HDGF: variants seen among roughly 807,000 people sequenced by gnomAD.
HDGF encodes hepatoma-derived growth factor.
In HDGF, 5 loss-of-function variants were observed where a neutral mutation model predicts 30.0. The ratio of observed to expected loss-of-function variants is 0.17; its 90% CI spans 0.09 to 0.35. The LOEUF is 0.35. Ranked by LOEUF, HDGF falls within the 10% of genes least tolerant of loss-of-function variation. HDGF has a pLI of 1.00. For missense variants in HDGF, 214 were observed against 302.8 expected (o/e 0.71, Z 2.18); for synonymous variants, 133 against 112.7 (o/e 1.18, Z -1.14).
chr1:156,761,226 C>T (rs1409674661), intron 1 of HDGF, among the ~76,000 whole-genome samples: 1 of 151,428 alleles, frequency 6.6e-6, no homozygotes, highest in Non-Finnish European at 1.5e-5. Flanking sequence ...GGCAGAATTG[C>T]TTGAACATAG....
intron 1 of HDGF, among the ~76,000 whole-genome samples, chr1:156,764,711 C>T (rs1651320657): frequency 6.6e-6 from 1 of 151,728 alleles, no homozygotes; most frequent in Non-Finnish European, 1.5e-5. Flanking sequence ...ATGGTGAAAC[C>T]CCGTCTCTAC....
At chr1:156,754,835 C>T (rs1284745166), upstream of HDGF, among the ~76,000 whole-genome samples, 1 of 152,184 alleles carries the variant, frequency 6.6e-6, no homozygotes, top group African/African-American at 2.4e-5. Flanking sequence ...GTAATCCCAG[C>T]TACTTGGGAG....
At position 156,751,194 on chromosome 1, in the gene HDGF, T is replaced by G; in HGVS notation, c.87+149A>C. The stretch of plus-strand genomic sequence containing the variant: ...CCTCCACCATTATATAACCGGCGGG[T>G]GGGCTTGGAAGCGACAGAGAAAGAG... On this transcript the variant is annotated intron_variant, in intron 1 of 5. Coordinates refer to ENST00000357325, the MANE Select transcript of HDGF (RefSeq NM_004494.3). This position sits in a 1 kb window ranked among gnomAD's most constrained non-coding sequence, Gnocchi z 4.7. The G allele has an allele frequency of 9.2e-7, 1 of 1,086,242 alleles. No individual in the cohort carries two copies. The allele number at this position is 1,086,242 out of a possible 1,614,324, so 67.3% of individuals were successfully genotyped here.
chr1:156,765,405 T>TTTTCTTTCTTTC (rs61168651), intron 1 of HDGF, among the ~76,000 whole-genome samples: 21 of 148,946 alleles, frequency 1.4e-4, no homozygotes, highest in African/African-American at 3.8e-4. Flanking sequence ...CTTTATCCAT[T>TTTTCTTTCTTTC]TTTCTTTCTT....
chr1:156,762,461 T>G (rs887894009), intron 1 of HDGF, among the ~76,000 whole-genome samples: 1 of 152,134 alleles, frequency 6.6e-6, no homozygotes, highest in African/African-American at 2.4e-5. Context: ...TCTATTACTC[T>G]TATTAGAGTC....
intron 3 of HDGF, chr1:156,744,592 C>T (rs777945539): frequency 3.4e-6 from 5 of 1,491,590 alleles, no homozygotes; most frequent in Admixed American, 4.2e-5. Context: ...GGCAAAACCT[C>T]GGGTCAACTT....
upstream of HDGF, chr1:156,752,425 C>T: frequency 6.9e-7 from 1 of 1,450,700 alleles, no homozygotes; most frequent in Non-Finnish European, 9.5e-7. Flanking sequence ...GGCTAGCTAA[C>T]CCCGCAAAGA....
At chr1:156,764,858 C>A (rs1441351251) in intron 1 of HDGF, among the ~76,000 whole-genome samples, 3 of 142,106 alleles carry the variant, frequency 2.1e-5, no homozygotes, top group East Asian at 2.1e-4. Flanking sequence ...TGCACTCCAG[C>A]ATGGGCGACA....
At chr1:156,749,324 C>A (rs7529283) in intron 1 of HDGF, among the ~76,000 whole-genome samples, 2,506 of 152,294 alleles carry the variant, frequency 0.016, 74 homozygotes, top group African/African-American at 0.056. Flanking sequence ...CAGGAAGGGC[C>A]CCTCAGGCTC....
chr1:156,755,324 A>C (rs1651137207), upstream of HDGF, among the ~76,000 whole-genome samples: 1 of 152,126 alleles, frequency 6.6e-6, no homozygotes, highest in Non-Finnish European at 1.5e-5. Context: ...TTCTGTACGG[A>C]TCAAGAAGGA....
chr1:156,751,673 T>C lies in HDGF; in HGVS notation c.-244A>G. ...TGCGCGCTCGTGCAGTTGTTTGTGT[T>C]TGAAATTCAATTGCTCCCTCCTCTG... is the stretch of plus-strand genomic sequence containing the variant. On this transcript the variant is annotated 5_prime_UTR_variant, in exon 1 of 6. Coordinates refer to ENST00000357325, the MANE Select transcript of HDGF (RefSeq NM_004494.3). This position sits in a 1 kb window ranked among gnomAD's most constrained non-coding sequence, Gnocchi z 4.7. 9.3e-7 allele frequency: 1 copy of C among 1,079,892 alleles called. No individual in the cohort carries two copies. The highest frequency in any genetic ancestry group is 1.7e-5 in the African/African-American group (1 of 59,378). The allele number at this position is 1,079,892 out of a possible 1,614,324, so 66.9% of individuals were successfully genotyped here.
chr1:156,761,973 C>A (rs1361067010), intron 1 of HDGF, among the ~76,000 whole-genome samples: 2 of 129,228 alleles, frequency 1.5e-5, no homozygotes, highest in Non-Finnish European at 3.4e-5. Flanking sequence ...AAAAAAAAAA[C>A]ACAAAAAATA....
intron 1 of HDGF, among the ~76,000 whole-genome samples, chr1:156,749,419 T>C (rs1350987752): frequency 2.0e-5 from 3 of 152,214 alleles, no homozygotes; most frequent in Non-Finnish European, 4.4e-5. Context: ...GGACTGTGTC[T>C]GGGAGGTAAC....
At chr1:156,755,530 AC>A (rs201703444), upstream of HDGF, 8,029 of 151,978 alleles carry the variant, frequency 0.053, 291 homozygotes, top group Middle Eastern at 0.099. Flanking sequence ...AGAATACAAA[AC>A]CTCACCTGCT....
chr1:156,743,609 TC>T, intron 5 of HDGF, 42 bp downstream of exon 5: 4 of 1,556,466 alleles, frequency 2.6e-6, no homozygotes, highest in Non-Finnish European at 3.5e-6. Flanking sequence ...GAGTGGCCGG[TC>T]CCCCCTAGTC....
rs200825810 is a variant in HDGF, at chr1:156,747,756, AG to A, written c.88-2384del. Among the ~76,000 whole-genome samples the A allele has an allele frequency of 9.6e-3, 1,455 of 152,224 alleles. 7 individuals carry two copies. The highest frequency in any genetic ancestry group is 0.014 in the Non-Finnish European group (940 of 68,002). On this transcript the variant is annotated intron_variant, in intron 1 of 5. Coordinates refer to ENST00000357325, the MANE Select transcript of HDGF (RefSeq NM_004494.3). ...CACAGTAAATGCGTGATGGAAGAGG[AG>A]AAACTGAGGCTTCATAAGAGGGTGT...
chr1:156,747,376 T>A (rs1650654834), intron 1 of HDGF: 1 of 151,290 alleles, frequency 6.6e-6, no homozygotes, highest in Non-Finnish European at 1.5e-5. Flanking sequence ...CAGCTAGGGC[T>A]GGATTACCGC....
chr1:156,745,320 G>C lies in HDGF; in HGVS notation c.141C>G (p.Val47=). The C allele has an allele frequency of 1.2e-6, 2 of 1,613,878 alleles. No homozygotes were observed. Among genetic ancestry groups the C allele is most frequent in the South Asian group, 2.2e-5 (2 of 91,052 alleles). The change falls in exon 2 of 6, where the codon GTC becomes GTG. Residue 47 remains valine (V), a synonymous_variant. Transcript: ENST00000357325. ...ACGTCTCGTGGGTCCCGAAAAAAAA[G>C]ACTTGGTATTTGTTGGCTGTTGATT... ...AVKSTANKYQ[V]FFFGTHETAF...
chr1:156,758,977 G>A lies in HDGF; in HGVS notation n.373+6C>T, dbSNP rs193144873. 1,271 of 152,546 alleles carry A rather than the reference G, an allele frequency of 8.3e-3. 8 individuals are homozygous for A. Among genetic ancestry groups the A allele is most frequent in the Non-Finnish European group, 0.014 (975 of 68,164 alleles). 9.4% of individuals were successfully genotyped at this position (152,546 alleles called of 1,614,324 possible). On this transcript the variant is annotated splice_donor_region_variant and intron_variant and non_coding_transcript_variant, in intron 2 of 7. Coordinates refer to the HDGF transcript ENST00000465180. ...AGCAGCGGTCCTGGCTGAGTGACGT[G>A]TGTACCTGCATGGGGAAGGGACTGT...
Sources: gnomAD v4.1 joint callset for allele counts (sites outside exome capture counted in the v4.1 genomes callset) on GRCh38, gnomAD v4.1.1 for gene constraint, Gnocchi (gnomAD v3.1) non-coding constraint, MANE v1.5 for transcripts, NCBI Gene and HGNC (gene_info 2026-07-23, HGNC 2026-07-21) for gene names.